Variants in PSTK observed in about 807,000 individuals in gnomAD.
PSTK encodes L-seryl-tRNA(Sec) kinase.
A neutral mutation model predicts 38.6 loss-of-function variants in PSTK; 26 were observed. The observed-to-expected ratio is 0.67, with a 90% CI of 0.49 to 0.94. PSTK has a LOEUF of 0.94. Among genes scored for constraint, PSTK ranks in the 40% least tolerant of loss-of-function variants. PSTK has a pLI of 0.00. For synonymous variants in PSTK, 181 were observed against 161.7 expected, an observed-to-expected ratio of 1.12 and a Z score of -0.91; for missense variants, 445 against 436.3, an observed-to-expected ratio of 1.02 and a Z score of -0.18.
chr10:122,980,916 C>T lies in PSTK; in HGVS notation c.216+221C>T, dbSNP rs967207512. 31 of 611,304 alleles carry T rather than the reference C, an allele frequency of 5.1e-5. No individual in the cohort carries two copies. Among genetic ancestry groups the T allele is most frequent in the African/African-American group, 1.2e-4 (6 of 49,978 alleles). The allele number at this position is 611,304 out of a possible 1,614,324, so 37.9% of individuals were successfully genotyped here. A position where few individuals can be genotyped will look rare whatever the true frequency, so the allele number is the denominator to read the frequency against. ...GTGGTTACAAAGCCAACTGTTAGAA[C>T]GATGCATTTTAGATGCTTATCTGTA... On this transcript the variant is annotated intron_variant, in intron 1 of 5. Transcript: ENST00000406217. This position sits in a 1 kb window ranked among gnomAD's most constrained non-coding sequence, Gnocchi z 4.3.
intron 5 of PSTK, 35 bp from the exon 6 acceptor site, chr10:122,990,139 T>C (rs1484395473): frequency 1.4e-6 from 2 of 1,399,872 alleles, no homozygotes; most frequent in Non-Finnish European, 1.9e-6. Context: ...TACTTTAATT[T>C]ACACCAGTAA....
chr10:122,986,182 C>G (rs896299307), intron 3 of PSTK, 118 bp from the exon 4 acceptor site: 1 of 552,064 alleles, frequency 1.8e-6, no homozygotes, highest in Non-Finnish European at 3.1e-6. Context: ...GATCACGCCG[C>G]TGCACTCCAG....
In PSTK at chr10:122,980,426, C is replaced by A. The variant is rs77793072; in HGVS notation, c.-54C>A. On this transcript the variant is annotated 5_prime_UTR_variant, in exon 1 of 6. Transcript: ENST00000406217. The surrounding 1 kb of genome is among the most constrained non-coding windows in gnomAD (Gnocchi z 4.3). ...GGAGACGCTGCGCGTGCGCGCAGGG[C>A]AGACGGTAGAGCGGAGACGACGCTC... 1 of 1,491,972 alleles carries A rather than the reference C, an allele frequency of 6.7e-7. No individual in the cohort carries two copies. Among genetic ancestry groups the A allele is most frequent in the Non-Finnish European group, 8.9e-7 (1 of 1,118,820 alleles). The allele number at this position is 1,491,972 out of a possible 1,614,324, so 92.4% of individuals were successfully genotyped here. A position where few individuals can be genotyped will look rare whatever the true frequency, so the allele number is the denominator to read the frequency against.
intron 5 of PSTK, among the ~76,000 whole-genome samples, chr10:122,988,166 G>A (rs1301363312): frequency 6.6e-6 from 1 of 152,046 alleles, no homozygotes; most frequent in Non-Finnish European, 1.5e-5. Flanking sequence ...ACTTATTAAT[G>A]GGTAACATTA....
rs7072043 is a variant in PSTK, at chr10:122,987,090, G to A, written c.877+128G>A. 4,205 of 872,850 alleles carry A rather than the reference G, an allele frequency of 4.8e-3. 123 individuals are homozygous for A. In the African/African-American group the frequency reaches 0.064, roughly 13 times the overall value. 54.1% of individuals were successfully genotyped at this position (872,850 alleles called of 1,614,324 possible). The stretch of plus-strand genomic sequence containing the variant: ...CACATCATGTTTTCAATTTAATTAT[G>A]CAATTTGACTAAATGTAACTAAAAA... On this transcript the variant is annotated intron_variant, in intron 5 of 5. Coordinates refer to ENST00000406217, the MANE Select transcript of PSTK (RefSeq NM_001363531.2).
chr10:122,983,158 T>A, intron 2 of PSTK, 114 bp from the exon 3 acceptor site: 1 of 1,200,608 alleles, frequency 8.3e-7, no homozygotes, highest in Non-Finnish European at 1.2e-6. Context: ...AGATGTTCAG[T>A]ATTGCAAACG....
intron 5 of PSTK, among the ~76,000 whole-genome samples, chr10:122,989,178 T>TG (rs1554864669): frequency 2.5e-4 from 3 of 12,146 alleles, no homozygotes; most frequent in Non-Finnish European, 4.9e-4. Flanking sequence ...TGCTTAGAGA[T>TG]GGGGGGCGGG....
At chr10:122,985,258 C>T (rs78033067) in intron 3 of PSTK, 1 of 152,406 alleles carries the variant, frequency 6.6e-6, no homozygotes, top group East Asian at 1.9e-4. Flanking sequence ...CTCTGCCCTT[C>T]CCACATTCTT....
chr10:122,983,069 C>A (rs757033445), intron 2 of PSTK, 45 bp downstream of exon 2: 9 of 1,516,126 alleles, frequency 5.9e-6, no homozygotes, highest in Admixed American at 1.9e-5. Context: ...TACTTATTCA[C>A]GTATCAAAAA....
At position 122,990,328 on chromosome 10, in the gene PSTK, T is replaced by G. The variant is rs1849115868; in HGVS notation, c.1032T>G (p.Tyr344Ter). The G allele has an allele frequency of 2.6e-6, 4 of 1,515,106 alleles. No homozygotes were observed. The highest frequency in any genetic ancestry group is 3.5e-6 in the Non-Finnish European group (4 of 1,133,394). 93.9% of individuals were successfully genotyped at this position (1,515,106 alleles called of 1,614,324 possible). A position where few individuals can be genotyped will look rare whatever the true frequency, so the allele number is the denominator to read the frequency against. ...DIPDVISFFH[Y>*]EKDNIVQKYF... is the part of the protein sequence containing the mutation. ...CAGATGTCATTTCTTTTTTTCATTA[T>G]GAGAAAGATAATATTGTACAGAAGT... is the stretch of plus-strand genomic sequence containing the variant. The change falls in exon 6 of 6, where the codon TAT becomes TAG. Residue 344 changes from tyrosine to a stop codon, truncating the protein, a stop_gained. Coordinates refer to ENST00000406217, the MANE Select transcript of PSTK (RefSeq NM_001363531.2). LOFTEE classifies it high-confidence loss of function.
intron 5 of PSTK, 142 bp from the exon 6 acceptor site, chr10:122,990,032 T>C: frequency 3.8e-6 from 2 of 529,434 alleles, no homozygotes; most frequent in Non-Finnish European, 6.5e-6. Context: ...TGAGACCTTT[T>C]TTCTATATAT....
chr10:122,982,075 C>G (rs991374535), intron 1 of PSTK: 3 of 152,260 alleles, frequency 2.0e-5, no homozygotes, highest in African/African-American at 7.2e-5. Flanking sequence ...CACAAGATTA[C>G]TTGTATTCTC....
At position 122,980,756 on chromosome 10, in the gene PSTK, G is replaced by C. The variant is rs1848948152; in HGVS notation, c.216+61G>C. 1 of 1,293,154 alleles carries C rather than the reference G, an allele frequency of 7.7e-7. No individual in the cohort carries two copies. Among genetic ancestry groups the C allele is most frequent in the Non-Finnish European group, 9.7e-7 (1 of 1,025,712 alleles). The allele number at this position is 1,293,154 out of a possible 1,614,324, so 80.1% of individuals were successfully genotyped here. Reference sequence around the variant, plus strand: ...GGGGCGGGGCGGGGCGGGGCGGGGCGGGGACACTCGCGTCCACGCGGTCCT... The same window carrying C: ...GGGGCGGGGCGGGGCGGGGCGGGGCCGGGACACTCGCGTCCACGCGGTCCT... On this transcript the variant is annotated intron_variant, in intron 1 of 5. Transcript: ENST00000406217. This position sits in a 1 kb window ranked among gnomAD's most constrained non-coding sequence, Gnocchi z 4.3.
Position 122,990,365 on chromosome 10 carries a change from C to T in PSTK, c.1069C>T (p.Gln357Ter), listed in dbSNP as rs1427998345. The T allele has an allele frequency of 1.3e-5, 19 of 1,446,462 alleles. No individual in the cohort carries two copies. Among genetic ancestry groups the T allele is most frequent in the Non-Finnish European group, 1.2e-5 (13 of 1,093,278 alleles). 89.6% of individuals were successfully genotyped at this position (1,446,462 alleles called of 1,614,324 possible). The change falls in exon 6 of 6, where the codon CAG (glutamine) becomes TAG (stop). Residue 357 changes from glutamine (Q) to a stop codon, truncating the protein, a stop_gained. Coordinates refer to ENST00000406217, the MANE Select transcript of PSTK (RefSeq NM_001363531.2). LOFTEE classifies it high-confidence loss of function. ...DNIVQKYFSK[Q>*]H ...TATTGTACAGAAGTATTTTTCAAAG[C>T]AGCATTAAAATTTCTGAACTGCCAA...
chr10:122,988,931 G>A (rs1849072888), intron 5 of PSTK, among the ~76,000 whole-genome samples: 1 of 152,014 alleles, frequency 6.6e-6, no homozygotes, highest in Non-Finnish European at 1.5e-5. Flanking sequence ...GCCAAAATAT[G>A]AAAATAACCC....
chr10:122,990,003 T>A (rs1024088232), intron 5 of PSTK, among the ~76,000 whole-genome samples, 171 bp from the exon 6 acceptor site: 1 of 152,268 alleles, frequency 6.6e-6, no homozygotes, highest in African/African-American at 2.4e-5. Context: ...GTGTTTCAGA[T>A]GATTTTTGAG....
At chr10:122,988,182 T>C (rs1849061045) in intron 5 of PSTK, among the ~76,000 whole-genome samples, 1 of 152,076 alleles carries the variant, frequency 6.6e-6, no homozygotes, top group South Asian at 2.1e-4. Flanking sequence ...CATTAATAAG[T>C]TTGAGAAACA....
chr10:122,982,523 T>C, intron 1 of PSTK: 2 of 562,228 alleles, frequency 3.6e-6, no homozygotes, highest in Non-Finnish European at 6.3e-6. Context: ...TGGTTGAGTC[T>C]GAGAAAGCTT....
intron 5 of PSTK, chr10:122,987,417 G>A (rs1307958171): frequency 5.6e-6 from 9 of 1,614,170 alleles, no homozygotes; most frequent in East Asian, 2.2e-5. Context: ...GATCATTCTA[G>A]GCAATGAACA....
Sources: gnomAD v4.1 joint callset for allele counts (sites outside exome capture counted in the v4.1 genomes callset) on GRCh38, gnomAD v4.1.1 for gene constraint, Gnocchi (gnomAD v3.1) non-coding constraint, MANE v1.5 for transcripts, NCBI Gene and HGNC (gene_info 2026-07-23, HGNC 2026-07-21) for gene names.